SLITRK5: variants seen among roughly 807,000 people sequenced by gnomAD.
SLITRK5 encodes SLIT and NTRK like family member 5.
Under a neutral mutation model 56.2 loss-of-function variants are expected in SLITRK5, and 23 were observed. That is an observed-to-expected ratio of 0.41 (90% confidence interval 0.29 to 0.58). SLITRK5 has a LOEUF of 0.58. Among genes scored for constraint, SLITRK5 ranks in the 20% least tolerant of loss-of-function variants. The probability of loss-of-function intolerance (pLI) is 0.30; values close to 1 mark genes in which losing one functional copy is unlikely to be tolerated. For missense variants in SLITRK5, 1,289 were observed against 1,226.6 expected (o/e 1.05, Z -0.76); for synonymous variants, 637 against 531.8 (o/e 1.20, Z -2.72).
Position 87,676,116 on chromosome 13 carries a change from T to C in SLITRK5, c.728T>C (p.Leu243Pro). The change falls in exon 2 of 2, where the codon CTG (leucine) becomes CCG (proline). Residue 243 changes from leucine (L) to proline (P), a missense_variant. This residue lies in a region of SLITRK5 where 13 missense variants were observed against 33.9 expected (regional missense o/e 0.38). Transcript: ENST00000683689. ...EENPWNCSCE[L>P]ISLKDWLDSI... Reference sequence around the variant, plus strand: ...AACCCTTGGAATTGTTCTTGTGAGCTGATCTCTCTAAAGGATTGGTTGGAC... The same window carrying C: ...AACCCTTGGAATTGTTCTTGTGAGCCGATCTCTCTAAAGGATTGGTTGGAC... 6.2e-7 allele frequency: 1 copy of C among 1,614,186 alleles called. No individual in the cohort carries two copies. The highest frequency in any genetic ancestry group is 2.2e-5 in the East Asian group (1 of 44,860).
At position 87,675,546 on chromosome 13, in the gene SLITRK5, C is replaced by T. The variant is rs745475388; in HGVS notation, c.158C>T (p.Pro53Leu). The change falls in exon 2 of 2, where the codon CCT becomes CTT. Residue 53 changes from proline to leucine, a missense_variant. Physicochemically the swap from Pro to Leu is moderately conservative, Grantham distance 98. Coordinates refer to ENST00000683689, the MANE Select transcript of SLITRK5 (RefSeq NM_001384609.1). Reference sequence around the variant, plus strand: ...GGGGAAATCTGTGACAATGCATGTCCTTGTGAGGAAAAGGACGGCATTTTA... The same window carrying T: ...GGGGAAATCTGTGACAATGCATGTCTTTGTGAGGAAAAGGACGGCATTTTA... ...YYGEICDNAC[P>L]CEEKDGILTV... 11 of 1,614,052 alleles carry T rather than the reference C, an allele frequency of 6.8e-6. No homozygotes were observed. The East Asian group carries it at 1.8e-4, about 26-fold the overall frequency.
At position 87,675,660 on chromosome 13, in the gene SLITRK5, AC is replaced by A; in HGVS notation, c.274del (p.Leu92PhefsTer2). The A allele has an allele frequency of 6.2e-7, 1 of 1,613,908 alleles. No individual in the cohort carries two copies. The highest frequency in any genetic ancestry group is 8.5e-7 in the Non-Finnish European group (1 of 1,179,992). ...ATCTACCACCTCTTGTTGTCCGGAAACCTTTTGAACCGTCTCTATCCCAATG... is the reference window on the plus strand; with the variant it reads ...ATCTACCACCTCTTGTTGTCCGGAAACTTTTGAACCGTCTCTATCCCAATG... ...FPIYHLLLSG[N>X]LLNRLYPNEF... is the part of the protein sequence containing the mutation. On this transcript the variant is annotated frameshift_variant, in exon 2 of 2. Transcript: ENST00000683689. LOFTEE classifies it high-confidence loss of function.
At chr13:87,675,327 C>G (rs555791911) in intron 1 of SLITRK5, 54 bp from the exon 2 acceptor site, 3 of 1,275,810 alleles carry the variant, frequency 2.4e-6, no homozygotes, top group South Asian at 2.6e-5. Flanking sequence ...TCTGACTGAT[C>G]CCTTAAATTT....
intron 1 of SLITRK5, chr13:87,674,368 C>T (rs1877179495): frequency 1.0e-6 from 1 of 984,826 alleles, no homozygotes; most frequent in African/African-American, 1.7e-5. Context: ...TCCGTGCAAA[C>T]CTTGCTATTA....
chr13:87,677,406 T>G lies in SLITRK5; in HGVS notation c.2018T>G (p.Val673Gly). The change falls in exon 2 of 2, where the codon GTT (valine) becomes GGT (glycine). Residue 673 changes from valine to glycine, a missense_variant. Val to Gly is a moderately radical substitution (Grantham distance 109). Transcript: ENST00000683689. This position sits in a 1 kb window ranked among gnomAD's most constrained non-coding sequence, Gnocchi z 4.7. ...GTGTTAATTCTCAGCCTCCTGCTGG[T>G]TTTCATCATGTCCGTCTTCGTGGCC... ...LSVLILSLLL[V>G]FIMSVFVAAG... The G allele has an allele frequency of 6.2e-7, 1 of 1,613,636 alleles. No homozygotes were observed. Among genetic ancestry groups the G allele is most frequent in the Non-Finnish European group, 8.5e-7 (1 of 1,179,972 alleles).
Position 87,677,635 on chromosome 13 carries a change from T to C in SLITRK5, c.2247T>C (p.Tyr749=), listed in dbSNP as rs1292881615. The C allele has an allele frequency of 2.5e-6, 4 of 1,609,256 alleles. No individual in the cohort carries two copies. Among genetic ancestry groups the C allele is most frequent in the Non-Finnish European group, 3.4e-6 (4 of 1,176,510 alleles). Residue 749 remains tyrosine, a synonymous_variant, in exon 2 of 2, where the codon TAT becomes TAC. Coordinates refer to ENST00000683689, the MANE Select transcript of SLITRK5 (RefSeq NM_001384609.1). This position sits in a 1 kb window ranked among gnomAD's most constrained non-coding sequence, Gnocchi z 4.7. ...TGAAGACGCCCGCGGGCCACGTGTATGAATACATCCCCCACCCACTGGGCC... is the reference window on the plus strand; with the variant it reads ...TGAAGACGCCCGCGGGCCACGTGTACGAATACATCCCCCACCCACTGGGCC... The part of the protein sequence containing the change: ...PKVKTPAGHV[Y]EYIPHPLGHM...
chr13:87,674,455 G>C (rs1877183792), intron 1 of SLITRK5: 5 of 969,328 alleles, frequency 5.2e-6, no homozygotes, highest in African/African-American at 3.5e-5. Context: ...CCCGGTAAGC[G>C]GTAGGAACGT....
At position 87,675,591 on chromosome 13, in the gene SLITRK5, G is replaced by A. The variant is rs761120993; in HGVS notation, c.203G>A (p.Arg68Gln). 2.5e-6 allele frequency: 4 copies of A among 1,614,152 alleles called. No homozygotes were observed. The highest frequency in any genetic ancestry group is 1.1e-5 in the South Asian group (1 of 91,088). ...ATTTTAACTGTGAGCTGTGAAAACC[G>A]GGGGATCATCAGTCTCTCTGAAATT... ...DGILTVSCEN[R>Q]GIISLSEISP... The change falls in exon 2 of 2, where the codon CGG becomes CAG. Residue 68 changes from arginine (R) to glutamine (Q), a missense_variant. Coordinates refer to ENST00000683689, the MANE Select transcript of SLITRK5 (RefSeq NM_001384609.1).
In SLITRK5 at chr13:87,676,600, G is replaced by T. The variant is rs144094623; in HGVS notation, c.1212G>T (p.Leu404=). 102 of 1,613,954 alleles carry T rather than the reference G, an allele frequency of 6.3e-5. No individual in the cohort carries two copies. Among genetic ancestry groups the T allele is most frequent in the Non-Finnish European group, 8.4e-5 (99 of 1,180,040 alleles). The change falls in exon 2 of 2, where the codon CTG becomes CTT. Residue 404 remains leucine, a synonymous_variant. Coordinates refer to ENST00000683689, the MANE Select transcript of SLITRK5 (RefSeq NM_001384609.1). ...GAAAGATCGAGAGCATCGCTGAACT[G>T]CAGCCCAAGCCCTACAATCCCAAGA... The part of the protein sequence containing the change: ...QERKIESIAE[L]QPKPYNPKKM...
Position 87,676,708 on chromosome 13 carries a change from G to A in SLITRK5, c.1320G>A (p.Leu440=), listed in dbSNP as rs1329373137. 4 of 1,613,932 alleles carry A rather than the reference G, an allele frequency of 2.5e-6. No individual in the cohort carries two copies. Among genetic ancestry groups the A allele is most frequent in the Non-Finnish European group, 2.5e-6 (3 of 1,180,032 alleles). ...LEATGLDLLH[L]GNNRISMIQD... ...CCACGGGGCTGGACCTCCTGCACCTGGGGAATAACCGCATCTCGATGATCC... is the reference window on the plus strand; with the variant it reads ...CCACGGGGCTGGACCTCCTGCACCTAGGGAATAACCGCATCTCGATGATCC... The change falls in exon 2 of 2, where the codon CTG becomes CTA. Residue 440 remains leucine, a synonymous_variant. Coordinates refer to ENST00000683689, the MANE Select transcript of SLITRK5 (RefSeq NM_001384609.1).
Position 87,678,141 on chromosome 13 carries a change from GC to G in SLITRK5, c.2759del (p.Pro920ArgfsTer6), listed in dbSNP as rs746043874. ...DSRLREPVLY[S>X]PPSAVFVEPN... is the part of the protein sequence containing the mutation. ...AGGCTACGGGAACCGGTGCTCTACA[GC>G]CCCCCGAGTGCTGTCTTTGTAGAAC... On this transcript the variant is annotated frameshift_variant, in exon 2 of 2. Coordinates refer to ENST00000683689, the MANE Select transcript of SLITRK5 (RefSeq NM_001384609.1). 2.5e-6 allele frequency: 4 copies of G among 1,614,208 alleles called. No individual in the cohort carries two copies. Among genetic ancestry groups the G allele is most frequent in the African/African-American group, 2.7e-5 (2 of 75,056 alleles).
chr13:87,679,448 T>C lies in SLITRK5; in HGVS notation c.*1183T>C, dbSNP rs886834200. On this transcript the variant is annotated 3_prime_UTR_variant, in exon 2 of 2. Coordinates refer to ENST00000683689, the MANE Select transcript of SLITRK5 (RefSeq NM_001384609.1). ...CACCTCAGAAGACCAAATCATGGAC[T>C]GTACAAGTCTCTATACAATGTCTTT... 1 of 167,050 alleles carries C rather than the reference T, an allele frequency of 6.0e-6. No individual in the cohort carries two copies. Among genetic ancestry groups the C allele is most frequent in the African/African-American group, 2.4e-5 (1 of 41,438 alleles). The allele number at this position is 167,050 out of a possible 1,614,324, so 10.3% of individuals were successfully genotyped here.
At chr13:87,674,458 A>G (rs2137941099) in intron 1 of SLITRK5, 2 of 966,204 alleles carry the variant, frequency 2.1e-6, no homozygotes, top group South Asian at 9.6e-5. Flanking sequence ...GGTAAGCGGT[A>G]GGAACGTCCT....
chr13:87,677,279 C>A lies in SLITRK5; in HGVS notation c.1891C>A (p.Pro631Thr), dbSNP rs754350484. The A allele has an allele frequency of 6.2e-7, 1 of 1,614,188 alleles. No homozygotes were observed. The highest frequency in any genetic ancestry group is 2.2e-5 in the East Asian group (1 of 44,850). Residue 631 changes from proline (P) to threonine (T), a missense_variant, in exon 2 of 2, where the codon CCT becomes ACT. By Grantham distance (38) the Pro-to-Thr change is conservative (BLOSUM62 -1). This residue lies in a region of SLITRK5 where 985 missense variants were observed against 906.0 expected (regional missense o/e 1.09). Transcript: ENST00000683689. The surrounding 1 kb of genome is among the most constrained non-coding windows in gnomAD (Gnocchi z 4.7). ...STPTPSSIQVPARTSAVTPAV... is the reference protein window; with the variant it reads ...STPTPSSIQVTARTSAVTPAV... ...GCCCACACCCTCCTCTATCCAGGTC[C>A]CTGCGAGGACCAGCGCCGTGACTCC...
At chr13:87,673,922 A>C (rs9582391) in intron 1 of SLITRK5, among the ~76,000 whole-genome samples, 47,098 of 151,830 alleles carry the variant, frequency 0.31, 8,659 homozygotes, top group East Asian at 0.75. Context: ...ACCAGAGAAA[A>C]GGCATAGGTT....
intron 1 of SLITRK5, chr13:87,674,365 A>T: frequency 1.0e-6 from 1 of 985,000 alleles, no homozygotes; most frequent in Non-Finnish European, 1.2e-6. Flanking sequence ...AGTTCCGTGC[A>T]AACCTTGCTA....
At position 87,677,778 on chromosome 13, in the gene SLITRK5, AGCCGCC is replaced by A; in HGVS notation, c.2397_2402del (p.Pro801_Pro802del). On this transcript the variant is annotated inframe_deletion, in exon 2 of 2. Transcript: ENST00000683689. This position sits in a 1 kb window ranked among gnomAD's most constrained non-coding sequence, Gnocchi z 4.7. ...AACCACCACCTGCAGCAGCAGCAGC[AGCCGCC>A]GCCGCCACCGCAGCAGCCACAGCAG... 1 of 1,606,738 alleles carries A rather than the reference AGCCGCC, an allele frequency of 6.2e-7. No individual in the cohort carries two copies. Among genetic ancestry groups the A allele is most frequent in the Non-Finnish European group, 8.5e-7 (1 of 1,175,984 alleles).
Position 87,677,557 on chromosome 13 carries a change from G to T in SLITRK5, c.2169G>T (p.Thr723=). The part of the protein sequence containing the change: ...QYSVYGGGGG[T]GGHPHAHVHH... ...GCGTGTACGGCGGCGGCGGCGGCAC[G>T]GGCGGCCACCCACACGCGCACGTGC... The change falls in exon 2 of 2, where the codon ACG becomes ACT. Residue 723 remains threonine, a synonymous_variant. Transcript: ENST00000683689. This position sits in a 1 kb window ranked among gnomAD's most constrained non-coding sequence, Gnocchi z 4.7. 1 of 1,608,486 alleles carries T rather than the reference G, an allele frequency of 6.2e-7. No individual in the cohort carries two copies. Among genetic ancestry groups the T allele is most frequent in the Non-Finnish European group, 8.5e-7 (1 of 1,176,656 alleles).
Position 87,675,513 on chromosome 13 carries a change from A to T in SLITRK5, c.125A>T (p.Asp42Val). 3 of 1,614,154 alleles carry T rather than the reference A, an allele frequency of 1.9e-6. No individual in the cohort carries two copies. Among genetic ancestry groups the T allele is most frequent in the Non-Finnish European group, 2.5e-6 (3 of 1,180,030 alleles). The change falls in exon 2 of 2, where the codon GAT (aspartate) becomes GTT (valine). Residue 42 changes from aspartate to valine, a missense_variant. Asp to Val is a radical substitution (Grantham distance 152, BLOSUM62 -3). Around this residue, in one of 3 missense-constraint regions of SLITRK5, gnomAD observed 291 missense variants for 286.7 expected, o/e 1.02. Coordinates refer to ENST00000683689, the MANE Select transcript of SLITRK5 (RefSeq NM_001384609.1). ...GTCCTTTCGTGTGCAGAAACCATCGATTATTATGGGGAAATCTGTGACAAT... is the reference window on the plus strand; with the variant it reads ...GTCCTTTCGTGTGCAGAAACCATCGTTTATTATGGGGAAATCTGTGACAAT... ...SLVLSCAETI[D>V]YYGEICDNAC...
Sources: gnomAD v4.1 joint callset for allele counts (sites outside exome capture counted in the v4.1 genomes callset) on GRCh38, gnomAD v4.1.1 for gene constraint, gnomAD v4.1.1 regional missense constraint, Gnocchi (gnomAD v3.1) non-coding constraint, MANE v1.5 for transcripts, NCBI Gene and HGNC (gene_info 2026-07-23, HGNC 2026-07-21) for gene names.